The following CCNY variants were observed in gnomAD, a reference collection of about 807,000 sequenced individuals.
The protein encoded by CCNY is cyclin-Y.
A neutral mutation model predicts 42.8 loss-of-function variants in CCNY; 19 were observed. The observed-to-expected ratio is 0.44, with a 90% CI of 0.31 to 0.65. The LOEUF is 0.65. Ranked by LOEUF, CCNY falls within the 30% of genes least tolerant of loss-of-function variation. The pLI is 0.07. For synonymous variants in CCNY, 165 were observed against 162.7 expected (o/e 1.01, Z -0.11); for missense variants, 370 against 437.3 (o/e 0.85, Z 1.37).
At chr10:35,390,031 T>A (rs1837381009) in intron 1 of CCNY, among the ~76,000 whole-genome samples, 1 of 152,214 alleles carries the variant, frequency 6.6e-6, no homozygotes, top group Admixed American at 6.5e-5. Flanking sequence ...ATGAGGAAGA[T>A]CTCCTACCAG....
intron 3 of CCNY, among the ~76,000 whole-genome samples, chr10:35,509,526 T>C (rs1422341572): frequency 6.6e-6 from 1 of 152,218 alleles, no homozygotes; most frequent in African/African-American, 2.4e-5. Flanking sequence ...TCCAGCTGCC[T>C]TGGCCTCCGA....
intron 7 of CCNY, among the ~76,000 whole-genome samples, chr10:35,536,333 T>C (rs1256308155): frequency 1.3e-5 from 2 of 152,198 alleles, no homozygotes; most frequent in Non-Finnish European, 2.9e-5. Context: ...ACCTCTTTTT[T>C]TTCCCAGTCT....
rs57188309 is a variant in CCNY at position 35,416,160 on chromosome 10, C to CGTGTGTGTGTGTGTGTGTGT, written c.155-67229_155-67210dup. ...ACCTGATCTGGAAACTTGTGGCACCCGTGTGTGTGTGTGTGTGTGTGTGTG... is the reference window on the plus strand; with the variant it reads ...ACCTGATCTGGAAACTTGTGGCACCCGTGTGTGTGTGTGTGTGTGTGTGTGTGTGTGTGTGTGTGTGTGTG... On this transcript the variant is annotated intron_variant, in intron 1 of 9. Coordinates refer to ENST00000374704, the MANE Select transcript of CCNY (RefSeq NM_145012.6). Among the ~76,000 whole-genome samples the CGTGTGTGTGTGTGTGTGTGT allele has an allele frequency of 3.3e-3, 476 of 144,576 alleles. 3 individuals are homozygous for CGTGTGTGTGTGTGTGTGTGT. The highest frequency in any genetic ancestry group is 0.011 in the African/African-American group (424 of 38,838). 94.8% of individuals were successfully genotyped at this position (144,576 alleles called of 152,430 possible).
intron 7 of CCNY, among the ~76,000 whole-genome samples, chr10:35,547,823 A>T (rs1250457699): frequency 6.6e-6 from 1 of 152,134 alleles, no homozygotes; most frequent in Non-Finnish European, 1.5e-5. Context: ...ATGAGGGTTT[A>T]TCCAGGCTTC....
Position 35,323,617 on chromosome 10 carries a change from G to A in CCNY, c.-9+72991G>A, listed in dbSNP as rs78677619. Among the ~76,000 whole-genome samples, 760 of 152,312 alleles carry A rather than the reference G, an allele frequency of 5.0e-3. 6 individuals carry two copies. Among genetic ancestry groups the A allele is most frequent in the Middle Eastern group, 0.01 (3 of 294 alleles). On this transcript the variant is annotated intron_variant, in intron 3 of 11. Transcript: ENST00000374706. Reference sequence around the variant, plus strand: ...CCACAGTGACAGAAAACAGATCAGGGCTTGCCTGGGACCAGGGACGAGTAC... The same window carrying A: ...CCACAGTGACAGAAAACAGATCAGGACTTGCCTGGGACCAGGGACGAGTAC...
chr10:35,489,421 C>G (rs1839853954), intron 2 of CCNY, among the ~76,000 whole-genome samples: 1 of 152,092 alleles, frequency 6.6e-6, no homozygotes, highest in African/African-American at 2.4e-5. Context: ...CTGCCTCAGC[C>G]TCCCGAGTAG....
chr10:35,250,965 A>G (rs561704204), intron 3 of CCNY: 6 of 152,354 alleles, frequency 3.9e-5, no homozygotes, highest in South Asian at 4.1e-4. Context: ...TTATTAAAAT[A>G]TGGAACTCTT....
At chr10:35,257,348 A>T (rs1589002200) in intron 3 of CCNY, among the ~76,000 whole-genome samples, 1 of 128,930 alleles carries the variant, frequency 7.8e-6, no homozygotes. Context: ...TCGCTATGTT[A>T]CTCAGGCTGG....
At position 35,260,997 on chromosome 10, in the gene CCNY, G is replaced by C. The variant is rs1175591411; in HGVS notation, c.-9+10371G>C. Among the ~76,000 whole-genome samples the C allele has an allele frequency of 2.6e-5, 4 of 152,086 alleles. No homozygotes were observed. In the East Asian group the frequency reaches 7.7e-4, roughly 29 times the overall value. ...ATGGTGGTGCACACCTGTGGTCCTG[G>C]CTACATGGGAGGCCAAAGTGGGAGG... On this transcript the variant is annotated intron_variant, in intron 3 of 11. Transcript: ENST00000374706.
At position 35,523,553 on chromosome 10, in the gene CCNY, A is replaced by G. The variant is rs147356603; in HGVS notation, c.366-2411A>G. Reference sequence around the variant, plus strand: ...CTTCTGGGATATAACCTTGAGTGGAAATTGGCCTACAGAGTGGCTCTACTT... The same window carrying G: ...CTTCTGGGATATAACCTTGAGTGGAGATTGGCCTACAGAGTGGCTCTACTT... On this transcript the variant is annotated intron_variant, in intron 4 of 9. Transcript: ENST00000374704. 1.8e-3 allele frequency among the ~76,000 whole-genome samples: 280 copies of G among 152,220 alleles called. 2 individuals are homozygous for G. Among genetic ancestry groups the G allele is most frequent in the African/African-American group, 6.5e-3 (268 of 41,534 alleles).
At chr10:35,386,739 T>A (rs1267335296) in intron 1 of CCNY, among the ~76,000 whole-genome samples, 1 of 152,164 alleles carries the variant, frequency 6.6e-6, no homozygotes, top group Non-Finnish European at 1.5e-5. Flanking sequence ...TTACAGTATA[T>A]TGTTACTTTT....
At chr10:35,567,584 C>G (rs1423685342) in intron 9 of CCNY, among the ~76,000 whole-genome samples, 1 of 152,226 alleles carries the variant, frequency 6.6e-6, no homozygotes, top group Non-Finnish European at 1.5e-5. Flanking sequence ...CACTGCCCAT[C>G]CCAGGTGGGA....
At chr10:35,331,311 A>C (rs141156461) in intron 3 of CCNY, among the ~76,000 whole-genome samples, 1 of 152,336 alleles carries the variant, frequency 6.6e-6, no homozygotes, top group Non-Finnish European at 1.5e-5. Context: ...GTTCTCAAGG[A>C]TCCCACATAT....
chr10:35,491,853 TC>T (rs58789261), intron 2 of CCNY, among the ~76,000 whole-genome samples: 57,804 of 151,808 alleles, frequency 0.38, 11,554 homozygotes, highest in African/African-American at 0.5. Context: ...GACCTCGTGA[TC>T]CCACCCGCCT....
In CCNY at chr10:35,516,521, A is replaced by G; in HGVS notation, c.265-2A>G. 2 of 1,608,488 alleles carry G rather than the reference A, an allele frequency of 1.2e-6. No individual in the cohort carries two copies. Among genetic ancestry groups the G allele is most frequent in the Non-Finnish European group, 1.7e-6 (2 of 1,175,254 alleles). On this transcript the variant is annotated splice_acceptor_variant, in intron 3 of 9. Coordinates refer to ENST00000374704, the MANE Select transcript of CCNY (RefSeq NM_145012.6). LOFTEE classifies it high-confidence loss of function. Reference sequence around the variant, plus strand: ...CTTAATCTTCTTGCTGTTGTTTTCTAGCATCCTCCAGGACAAATAGCAAGG... The same window carrying G: ...CTTAATCTTCTTGCTGTTGTTTTCTGGCATCCTCCAGGACAAATAGCAAGG...
chr10:35,369,915 T>G (rs1455011640), intron 1 of CCNY, among the ~76,000 whole-genome samples: 1 of 152,200 alleles, frequency 6.6e-6, no homozygotes, highest in Non-Finnish European at 1.5e-5. Flanking sequence ...TTTAAAAAGG[T>G]GACCTGTTTA....
intron 1 of CCNY, among the ~76,000 whole-genome samples, chr10:35,407,513 G>A (rs1024795855): frequency 3.9e-5 from 6 of 152,110 alleles, no homozygotes; most frequent in African/African-American, 9.7e-5. Flanking sequence ...ACCTCAGACC[G>A]TTTGCCCATT....
intron 3 of CCNY, among the ~76,000 whole-genome samples, chr10:35,288,768 C>G (rs955784054): frequency 2.6e-5 from 4 of 152,258 alleles, no homozygotes; most frequent in Admixed American, 2.6e-4. Context: ...CCTTTAATCT[C>G]TGTTGGAAAT....
In CCNY at chr10:35,569,284, A is replaced by G. The variant is rs1427695874; in HGVS notation, c.*114A>G. The G allele has an allele frequency of 2.9e-6, 2 of 697,772 alleles. No homozygotes were observed. The highest frequency in any genetic ancestry group is 2.7e-5 in the East Asian group (1 of 37,652). 43.2% of individuals were successfully genotyped at this position (697,772 alleles called of 1,614,324 possible). ...TTTCTTTCCTTTTCTTTTTTTACGC[A>G]TAGCTCCGTCAAGCTGCCTGGATGA... On this transcript the variant is annotated 3_prime_UTR_variant, in exon 10 of 10. Transcript: ENST00000374704.
Sources: allele counts gnomAD v4.1 joint callset (sites outside exome capture counted in the v4.1 genomes callset), GRCh38; gene constraint gnomAD v4.1.1; transcripts MANE v1.5; gene names NCBI Gene and HGNC (gene_info 2026-07-23, HGNC 2026-07-21).